The following ADAMTS17 variants were observed in gnomAD, a reference collection of about 807,000 sequenced individuals.
ADAMTS17 encodes the protein ADAM metallopeptidase with thrombospondin type 1 motif 17, also known as A disintegrin and metalloproteinase with thrombospondin motifs 17.
Under a neutral mutation model 141.5 loss-of-function variants are expected in ADAMTS17, and 113 were observed. That is an observed-to-expected ratio of 0.80 (90% CI 0.69 to 0.93). ADAMTS17 has a LOEUF of 0.93. ADAMTS17 is among the 40% of genes least tolerant of loss of function. The probability of loss-of-function intolerance (pLI) is 0.00; values close to 1 mark genes in which losing one functional copy is unlikely to be tolerated. For missense variants in ADAMTS17, 1,659 were observed against 1,517.9 expected (o/e 1.09, Z -1.54); for synonymous variants, 768 against 630.6 (o/e 1.22, Z -3.27).
intron 10 of ADAMTS17, among the ~76,000 whole-genome samples, chr15:100,142,763 C>T (rs1003913665): frequency 7.9e-5 from 12 of 152,036 alleles, no homozygotes; most frequent in African/African-American, 1.7e-4. Context: ...AGGCAATTAA[C>T]GAGAAAAGAG....
Position 100,303,021 on chromosome 15 carries a change from T to C in ADAMTS17, c.617-21620A>G, listed in dbSNP as rs1006169709. 4.6e-5 allele frequency among the ~76,000 whole-genome samples: 7 copies of C among 151,520 alleles called. No individual in the cohort carries two copies. The South Asian group carries it at 6.2e-4, about 13-fold the overall frequency. ...TTTTGGAACTTGGACTGGCTCTCCT[T>C]ACTCCATAGCCTGCAGATGGCCTAT... On this transcript the variant is annotated intron_variant, in intron 3 of 21. Transcript: ENST00000268070.
At chr15:100,002,565 C>T (rs780309769) in intron 18 of ADAMTS17, among the ~76,000 whole-genome samples, 1 of 152,022 alleles carries the variant, frequency 6.6e-6, no homozygotes, top group Admixed American at 6.5e-5. Context: ...TCCGCCGTCA[C>T]CTCGCTGACT....
At chr15:100,049,507 C>T (rs1037454462) in intron 17 of ADAMTS17, among the ~76,000 whole-genome samples, 11 of 152,212 alleles carry the variant, frequency 7.2e-5, no homozygotes, top group Non-Finnish European at 1.5e-4. Context: ...GCCATTCTGA[C>T]TTGTCTAGCC....
At chr15:100,214,858 A>C (rs9635423) in intron 7 of ADAMTS17, among the ~76,000 whole-genome samples, 4 of 152,170 alleles carry the variant, frequency 2.6e-5, no homozygotes, top group African/African-American at 9.7e-5. Context: ...CACTATGAGC[A>C]CAACGACACC....
chr15:100,041,425 T>C (rs370855216), intron 18 of ADAMTS17, among the ~76,000 whole-genome samples: 4 of 152,260 alleles, frequency 2.6e-5, no homozygotes, highest in African/African-American at 7.2e-5. Context: ...ACAAGGTCTG[T>C]GCTCCGGGAC....
At chr15:100,223,008 A>C (rs1324292082) in intron 7 of ADAMTS17, among the ~76,000 whole-genome samples, 3 of 152,194 alleles carry the variant, frequency 2.0e-5, no homozygotes, top group African/African-American at 7.2e-5. Flanking sequence ...TCTTCCCTTG[A>C]AACACTCAGC....
In ADAMTS17 at chr15:100,281,562, G is replaced by A. The variant is rs142694322; in HGVS notation, c.617-161C>T. Among the ~76,000 whole-genome samples the A allele has an allele frequency of 1.3e-3, 196 of 152,310 alleles. 1 individual carries two copies. The highest frequency in any genetic ancestry group is 4.3e-3 in the African/African-American group (179 of 41,566). ...ATCTCCACCGTCATGTGGGTGCCCC[G>A]AGTTCACTCACGTAGGGGGGTGCTG... On this transcript the variant is annotated intron_variant, in intron 3 of 21. Transcript: ENST00000268070.
At chr15:100,184,213 C>A (rs2040623876) in intron 8 of ADAMTS17, among the ~76,000 whole-genome samples, 2 of 152,152 alleles carry the variant, frequency 1.3e-5, no homozygotes, top group Non-Finnish European at 2.9e-5. Context: ...GGCTTTGTCT[C>A]CCCAGTCCAT....
At chr15:100,140,484 CATACATATAT>C (rs893759371) in intron 10 of ADAMTS17, among the ~76,000 whole-genome samples, 4 of 40,896 alleles carry the variant, frequency 9.8e-5, no homozygotes, top group South Asian at 2.3e-3. Context: ...CACACACATA[CATACATATAT>C]ATATATATAT....
intron 12 of ADAMTS17, among the ~76,000 whole-genome samples, chr15:100,121,779 G>A (rs977027775): frequency 2.0e-5 from 3 of 151,852 alleles, no homozygotes; most frequent in Non-Finnish European, 4.4e-5. Context: ...GTCCTGGTAT[G>A]TGGCTTCTCT....
intron 4 of ADAMTS17, among the ~76,000 whole-genome samples, chr15:100,274,334 A>G (rs894093793): frequency 6.6e-6 from 1 of 152,180 alleles, no homozygotes; most frequent in African/African-American, 2.4e-5. Flanking sequence ...TTTATTTCAT[A>G]TATTTTGATG....
chr15:100,129,555 C>G (rs1052370241), intron 12 of ADAMTS17: 1 of 152,100 alleles, frequency 6.6e-6, no homozygotes, highest in East Asian at 1.9e-4. Flanking sequence ...ACCAGCCTGA[C>G]CAACATGGAG....
At chr15:100,310,758 C>T (rs1290309398) in intron 3 of ADAMTS17, among the ~76,000 whole-genome samples, 2 of 152,100 alleles carry the variant, frequency 1.3e-5, no homozygotes, top group Non-Finnish European at 2.9e-5. Flanking sequence ...CTTCATTGTC[C>T]AGCTCCATCC....
chr15:100,000,568 C>CA (rs1244602232), intron 18 of ADAMTS17, among the ~76,000 whole-genome samples: 2 of 152,206 alleles, frequency 1.3e-5, no homozygotes, highest in East Asian at 1.9e-4. Context: ...GGCTGGAGCG[C>CA]AATGGCACGA....
chr15:100,149,202 T>C (rs1410059430), intron 10 of ADAMTS17, among the ~76,000 whole-genome samples: 1 of 152,236 alleles, frequency 6.6e-6, no homozygotes, highest in Non-Finnish European at 1.5e-5. Flanking sequence ...TGTGGCACTG[T>C]CTTCACCTGG....
intron 4 of ADAMTS17, among the ~76,000 whole-genome samples, chr15:100,267,325 G>T (rs2142017106): frequency 6.6e-6 from 1 of 152,134 alleles, no homozygotes; most frequent in East Asian, 1.9e-4. Flanking sequence ...TTTTAAGGCT[G>T]GATAATATTC....
At chr15:100,033,708 A>G (rs577481303) in intron 18 of ADAMTS17, among the ~76,000 whole-genome samples, 1 of 152,296 alleles carries the variant, frequency 6.6e-6, no homozygotes, top group East Asian at 1.9e-4. Flanking sequence ...TGACCTTTGG[A>G]GTGGATACAG....
chr15:100,222,719 A>C (rs1051004305), intron 7 of ADAMTS17, among the ~76,000 whole-genome samples: 1 of 152,218 alleles, frequency 6.6e-6, no homozygotes, highest in Admixed American at 6.5e-5. Flanking sequence ...AGAGGCCAAA[A>C]TGGCCAACGC....
chr15:100,058,833 G>A (rs1198367652), intron 15 of ADAMTS17, among the ~76,000 whole-genome samples: 1 of 152,226 alleles, frequency 6.6e-6, no homozygotes, highest in Non-Finnish European at 1.5e-5. Context: ...ACTGGGTATG[G>A]TCAAGGAATT....
Sources: allele counts gnomAD v4.1 joint callset (sites outside exome capture counted in the v4.1 genomes callset), GRCh38; gene constraint gnomAD v4.1.1; transcripts MANE v1.5; gene names NCBI Gene and HGNC (gene_info 2026-07-23, HGNC 2026-07-21).